The following TBC1D5 variants were observed in gnomAD, a reference collection of about 807,000 sequenced individuals.
The protein encoded by TBC1D5 is TBC1 domain family member 5, also known as TBC1 domain family, member 5.
TBC1D5 carries 75 observed loss-of-function variants against 100.3 expected under a neutral mutation model. The observed-to-expected ratio is 0.75, with a 90% CI of 0.62 to 0.91. The LOEUF is 0.91. TBC1D5 is among the 40% of genes least tolerant of loss of function. The pLI is 0.00. For missense variants in TBC1D5, 910 were observed against 942.4 expected (o/e 0.97, Z 0.45); for synonymous variants, 323 against 325.6 (o/e 0.99, Z 0.09).
chr3:17,631,953 G>GA (rs1183712563), intron 1 of TBC1D5, among the ~76,000 whole-genome samples: 4 of 152,200 alleles, frequency 2.6e-5, no homozygotes, highest in African/African-American at 9.6e-5. Flanking sequence ...CATGAGTCAA[G>GA]AAGTAATTCT....
At chr3:17,492,656 G>C (rs1041265802) in intron 3 of TBC1D5, among the ~76,000 whole-genome samples, 1 of 152,086 alleles carries the variant, frequency 6.6e-6, no homozygotes, top group African/African-American at 2.4e-5. Flanking sequence ...GGCTGGTCTT[G>C]ATCTCCTGAC....
At chr3:17,341,703 C>A (rs948444057) in intron 13 of TBC1D5, among the ~76,000 whole-genome samples, 1 of 152,094 alleles carries the variant, frequency 6.6e-6, no homozygotes, top group Non-Finnish European at 1.5e-5. Flanking sequence ...TAGACTACTA[C>A]ATTTAAATGA....
intron 3 of TBC1D5, among the ~76,000 whole-genome samples, chr3:17,454,515 A>G (rs2095006960): frequency 6.6e-6 from 1 of 152,132 alleles, no homozygotes; most frequent in Non-Finnish European, 1.5e-5. Flanking sequence ...GCTAGAGTGC[A>G]GTGGTACGAT....
chr3:17,171,267 G>A (rs1033000110), intron 19 of TBC1D5, among the ~76,000 whole-genome samples: 2 of 151,934 alleles, frequency 1.3e-5, no homozygotes, highest in African/African-American at 4.8e-5. Flanking sequence ...CTACCTATGG[G>A]CTTCTTTCAG....
rs193264993 is a variant in TBC1D5 at position 17,520,366 on chromosome 3, C to T, written c.-35-11761G>A. Among the ~76,000 whole-genome samples, 121 of 151,634 alleles carry T rather than the reference C, an allele frequency of 8.0e-4. 2 individuals are homozygous for T. Among genetic ancestry groups the T allele is most frequent in the Middle Eastern group, 3.4e-3 (1 of 292 alleles). On this transcript the variant is annotated intron_variant, in intron 2 of 21. Transcript: ENST00000253692. The stretch of plus-strand genomic sequence containing the variant: ...GGAAAGATAAGAGGAAGAGAAATGA[C>T]GAAGAGAAAGGAAGAGAAAGGGAGA...
At chr3:17,212,941 T>A (rs2073158630) in intron 18 of TBC1D5, among the ~76,000 whole-genome samples, 1 of 152,194 alleles carries the variant, frequency 6.6e-6, no homozygotes, top group Non-Finnish European at 1.5e-5. Flanking sequence ...AAATTTAGTG[T>A]AGCCTAAGTG....
At chr3:17,598,568 C>T (rs995072895) in intron 2 of TBC1D5, among the ~76,000 whole-genome samples, 1 of 152,016 alleles carries the variant, frequency 6.6e-6, no homozygotes, top group African/African-American at 2.4e-5. Context: ...CACCTTTTAT[C>T]CAATACACAC....
chr3:17,448,247 T>G (rs1487416091), intron 3 of TBC1D5, among the ~76,000 whole-genome samples: 1 of 152,210 alleles, frequency 6.6e-6, no homozygotes, highest in African/African-American at 2.4e-5. Flanking sequence ...TTCCTGTCCA[T>G]CGGCAGTTAC....
upstream of TBC1D5, among the ~76,000 whole-genome samples, chr3:17,741,626 G>A (rs1478813335): frequency 6.6e-6 from 1 of 151,732 alleles, no homozygotes; most frequent in Non-Finnish European, 1.5e-5. Flanking sequence ...GTTATTATTC[G>A]AAAAAAACCT....
chr3:17,706,011 T>C (rs2074105535), intron 1 of TBC1D5: 13 of 1,503,864 alleles, frequency 8.6e-6, no homozygotes, highest in African/African-American at 1.4e-5. Flanking sequence ...GGAGTCTTGC[T>C]GTCACCCAGC....
intron 1 of TBC1D5, among the ~76,000 whole-genome samples, chr3:17,656,498 GA>G (rs915111958): frequency 3.3e-5 from 5 of 152,156 alleles, no homozygotes; most frequent in African/African-American, 1.2e-4. Context: ...TATGTTCCCT[GA>G]AAACCAAAAT....
intron 2 of TBC1D5, among the ~76,000 whole-genome samples, chr3:17,579,944 A>G (rs1430944935): frequency 6.6e-6 from 1 of 152,154 alleles, no homozygotes; most frequent in Non-Finnish European, 1.5e-5. Context: ...ATTGTATCCC[A>G]TATTTATCAA....
upstream of TBC1D5, chr3:17,742,359 T>G (rs972202650): frequency 2.0e-5 from 3 of 153,356 alleles, no homozygotes; most frequent in African/African-American, 7.2e-5. Flanking sequence ...GGGCGAAACC[T>G]GTCCTGAGGC....
chr3:17,699,033 C>G (rs1019763066), intron 1 of TBC1D5, among the ~76,000 whole-genome samples: 8 of 151,730 alleles, frequency 5.3e-5, no homozygotes, highest in African/African-American at 1.7e-4. Context: ...CCCAGCCATC[C>G]CATTACTGGG....
At chr3:17,658,703 C>T (rs1376189284) in intron 1 of TBC1D5, among the ~76,000 whole-genome samples, 1 of 152,180 alleles carries the variant, frequency 6.6e-6, no homozygotes, top group East Asian at 1.9e-4. Flanking sequence ...GTCACCCAGA[C>T]TGGAGTGCAG....
chr3:17,161,688 C>A (rs914779112), intron 21 of TBC1D5, among the ~76,000 whole-genome samples: 2 of 152,254 alleles, frequency 1.3e-5, no homozygotes, highest in African/African-American at 4.8e-5. Context: ...AAGACAGTGT[C>A]TTCCTCCTAA....
At chr3:17,353,030 A>G (rs1397234158) in intron 13 of TBC1D5, among the ~76,000 whole-genome samples, 1 of 152,106 alleles carries the variant, frequency 6.6e-6, no homozygotes, top group Non-Finnish European at 1.5e-5. Context: ...TTGCTATCTC[A>G]GTAATCCATT....
chr3:17,194,044 A>G (rs1001004885), intron 18 of TBC1D5, among the ~76,000 whole-genome samples: 1 of 152,196 alleles, frequency 6.6e-6, no homozygotes, highest in Non-Finnish European at 1.5e-5. Context: ...GTTAAAATGC[A>G]GAGTCTGATT....
intron 1 of TBC1D5, among the ~76,000 whole-genome samples, chr3:17,632,418 A>T (rs1040078806): frequency 3.9e-5 from 6 of 152,220 alleles, no homozygotes; most frequent in African/African-American, 9.7e-5. Context: ...ATAACAAAGG[A>T]TTTAGAATAT....
Sources: allele counts gnomAD v4.1 joint callset (sites outside exome capture counted in the v4.1 genomes callset), GRCh38; gene constraint gnomAD v4.1.1; transcripts MANE v1.5; gene names NCBI Gene and HGNC (gene_info 2026-07-23, HGNC 2026-07-21).